The following GRIN2C variants were observed in gnomAD, a reference collection of about 807,000 sequenced individuals.
The protein encoded by GRIN2C is glutamate receptor ionotropic, NMDA 2C.
In GRIN2C, 64 loss-of-function variants were observed where a neutral mutation model predicts 77.7. The ratio of observed to expected loss-of-function variants is 0.82; its 90% CI spans 0.67 to 1.01. The LOEUF (loss-of-function observed/expected upper bound fraction) is 1.01, where lower values mean the gene tolerates loss of function less well. GRIN2C is among the 50% of genes least tolerant of loss of function. The pLI is 0.00. For synonymous variants in GRIN2C, 792 were observed against 643.4 expected (o/e 1.23, Z -3.49); for missense variants, 1,549 against 1,486.0 (o/e 1.04, Z -0.70).
intron 12 of GRIN2C, among the ~76,000 whole-genome samples, chr17:74,843,836 G>A (rs2037378217): frequency 6.6e-6 from 1 of 150,812 alleles, no homozygotes; most frequent in Non-Finnish European, 1.5e-5. Context: ...CTTCAACCCT[G>A]CCACCCTGGT....
chr17:74,846,069 C>G lies in GRIN2C; in HGVS notation c.2347G>C (p.Asp783His), dbSNP rs1352985755. 6.2e-7 allele frequency: 1 copy of G among 1,613,482 alleles called. No individual in the cohort carries two copies. The change falls in exon 11 of 13, where the codon GAC becomes CAC. Residue 783 changes from aspartate to histidine, a missense_variant. By Grantham distance (81) the Asp-to-His change is moderately conservative. Around this residue, in one of 3 missense-constraint regions of GRIN2C, gnomAD observed 717 missense variants for 858.1 expected, o/e 0.84. Coordinates refer to ENST00000293190, the MANE Select transcript of GRIN2C (RefSeq NM_000835.6). This position sits in a 1 kb window ranked among gnomAD's most constrained non-coding sequence, Gnocchi z 4.4. Reference protein sequence around the residue: ...IDLALLQFLGDGETQKLETVW... With the variant: ...IDLALLQFLGHGETQKLETVW... ...TCCCAGCAATGGCAGTACCCACCGTCCCCCAGGAACTGCAAGAGCGCCAGG... is the reference window on the plus strand; with the variant it reads ...TCCCAGCAATGGCAGTACCCACCGTGCCCCAGGAACTGCAAGAGCGCCAGG...
At position 74,852,370 on chromosome 17, in the gene GRIN2C, C is replaced by T. The variant is rs200047890; in HGVS notation, c.641G>A (p.Arg214His). ...GGGCGCGTCGAGCTGGCGCAGCAGG[C>T]GCTGCGTGCGCGCGCGCGGCCCTCC... Reference protein sequence around the residue: ...GPGGPRARTQRLLRQLDAPVF... With the variant: ...GPGGPRARTQHLLRQLDAPVF... The change falls in exon 3 of 13, where the codon CGC (arginine) becomes CAC (histidine). Residue 214 changes from arginine (R) to histidine (H), a missense_variant. Arg to His is a conservative substitution (Grantham distance 29). Transcript: ENST00000293190. 3.3e-4 allele frequency: 478 copies of T among 1,442,834 alleles called. 1 individual carries two copies. In the African/African-American group the frequency reaches 4.6e-3, roughly 14 times the overall value. The allele number at this position is 1,442,834 out of a possible 1,614,324, so 89.4% of individuals were successfully genotyped here.
At chr17:74,844,552 A>G (rs1252832603) in intron 11 of GRIN2C, 44 bp from the exon 12 acceptor site, 4 of 1,594,294 alleles carry the variant, frequency 2.5e-6, no homozygotes, top group Admixed American at 3.4e-5. Context: ...AAACCCCCCT[A>G]TAAGCAACCC....
At chr17:74,860,626 G>C, upstream of GRIN2C, 2 of 402,506 alleles carry the variant, frequency 5.0e-6, no homozygotes, top group Non-Finnish European at 1.0e-5. Flanking sequence ...CGGCTGGTGC[G>C]CAGCCAGGGC....
Position 74,852,216 on chromosome 17 carries a change from G to A in GRIN2C, c.795C>T (p.Pro265=). Residue 265 remains proline, a synonymous_variant, in exon 3 of 13, where the codon CCC becomes CCT. Transcript: ENST00000293190. ...PNLALGSTDA[P]PATFPVGLIS... ...TGAGGCCCACGGGGAAGGTGGCGGG[G>A]GGCGCATCGGTGCTGCCCAGCGCCA... 1.4e-6 allele frequency: 2 copies of A among 1,445,920 alleles called. No individual in the cohort carries two copies. The highest frequency in any genetic ancestry group is 2.6e-5 in the Admixed American group (1 of 38,966). 89.6% of individuals were successfully genotyped at this position (1,445,920 alleles called of 1,614,324 possible).
In GRIN2C at chr17:74,843,036, C is replaced by A; in HGVS notation, c.3101G>T (p.Arg1034Leu). Reference protein sequence around the residue: ...PARCHYSSFPRADRSGRPFLP... With the variant: ...PARCHYSSFPLADRSGRPFLP... ...GAAGGGGCGGCCGGATCGGTCGGCT[C>A]GAGGAAAGGAGCTGTAGTGACAGCG... Residue 1034 changes from arginine to leucine, a missense_variant, in exon 13 of 13, where the codon CGA (arginine) becomes CTA (leucine). Arg to Leu is a moderately radical substitution (Grantham distance 102). Transcript: ENST00000293190. 2 of 483,838 alleles carry A rather than the reference C, an allele frequency of 4.1e-6. No individual in the cohort carries two copies. Among genetic ancestry groups the A allele is most frequent in the East Asian group, 3.5e-5 (1 of 28,200 alleles). The allele number at this position is 483,838 out of a possible 1,614,324, so 30.0% of individuals were successfully genotyped here.
At chr17:74,858,308 G>A (rs1254642739) in intron 1 of GRIN2C, among the ~76,000 whole-genome samples, 2 of 139,884 alleles carry the variant, frequency 1.4e-5, no homozygotes, top group Non-Finnish European at 3.1e-5. Flanking sequence ...GGGGACACCA[G>A]AGACTCTCTC....
At position 74,846,033 on chromosome 17, in the gene GRIN2C, C is replaced by T. The variant is rs758089898; in HGVS notation, c.2350+33G>A. The stretch of plus-strand genomic sequence containing the variant: ...GCTGACAACCTTGGGCTCCACAGCC[C>T]ACCCTGGGCATCCCAGCAATGGCAG... On this transcript the variant is annotated intron_variant, in intron 11 of 12. Transcript: ENST00000293190. This position sits in a 1 kb window ranked among gnomAD's most constrained non-coding sequence, Gnocchi z 4.4. 14 of 1,600,124 alleles carry T rather than the reference C, an allele frequency of 8.7e-6. No homozygotes were observed. The highest frequency in any genetic ancestry group is 1.7e-4 in the Middle Eastern group (1 of 5,742).
intron 12 of GRIN2C, chr17:74,843,925 G>T: frequency 2.1e-6 from 1 of 473,586 alleles, no homozygotes; most frequent in Non-Finnish European, 3.7e-6. Context: ...CCAGGCTGGA[G>T]TGCAGTGGTG....
Position 74,852,327 on chromosome 17 carries a change from G to C in GRIN2C, c.684C>G (p.Cys228Trp). 6.9e-7 allele frequency: 1 copy of C among 1,456,556 alleles called. No homozygotes were observed. Among genetic ancestry groups the C allele is most frequent in the Non-Finnish European group, 9.0e-7 (1 of 1,111,554 alleles). The allele number at this position is 1,456,556 out of a possible 1,614,324, so 90.2% of individuals were successfully genotyped here. The change falls in exon 3 of 13, where the codon TGC becomes TGG. Residue 228 changes from cysteine to tryptophan, a missense_variant. Transcript: ENST00000293190. ...QLDAPVFVAY[C>W]SREEAEVLFA... ...AGAGCACCTCGGCCTCCTCGCGCGA[G>C]CAGTAGGCCACAAACACGGGCGCGT...
At chr17:74,855,750 C>T (rs895351204) in intron 1 of GRIN2C, among the ~76,000 whole-genome samples, 1 of 152,118 alleles carries the variant, frequency 6.6e-6, no homozygotes, top group Non-Finnish European at 1.5e-5. Flanking sequence ...ATCTGTCTCT[C>T]ACCAGGGCCT....
chr17:74,856,624 G>A (rs976426462), intron 1 of GRIN2C, among the ~76,000 whole-genome samples: 4 of 151,750 alleles, frequency 2.6e-5, no homozygotes, highest in East Asian at 1.9e-4. Flanking sequence ...GACTACAGGC[G>A]CCCACCACCA....
At chr17:74,853,073 C>G (rs1196202142) in intron 2 of GRIN2C, 1 of 153,916 alleles carries the variant, frequency 6.5e-6, no homozygotes, top group Non-Finnish European at 1.4e-5. Context: ...GGGTTGAGAG[C>G]CAATGTCCTG....
chr17:74,848,190 C>A (rs920349561), intron 7 of GRIN2C, among the ~76,000 whole-genome samples: 3 of 152,118 alleles, frequency 2.0e-5, no homozygotes, highest in African/African-American at 7.2e-5. Flanking sequence ...TCTCCCCCCG[C>A]CCCCCACTTC....
In GRIN2C at chr17:74,855,104, G is replaced by A; in HGVS notation, c.-12C>T. ...AGGGCCCCACCCATGTCCACCGGAG[G>A]GTCCTGCGGAGAGACCAGAACAAGC... is the stretch of plus-strand genomic sequence containing the variant. On this transcript the variant is annotated 5_prime_UTR_variant, in exon 2 of 13. Coordinates refer to ENST00000293190, the MANE Select transcript of GRIN2C (RefSeq NM_000835.6). 4 of 1,563,638 alleles carry A rather than the reference G, an allele frequency of 2.6e-6. No homozygotes were observed. Among genetic ancestry groups the A allele is most frequent in the Non-Finnish European group, 3.4e-6 (4 of 1,161,158 alleles).
In GRIN2C at chr17:74,852,138, G is replaced by T; in HGVS notation, c.873C>A (p.Asp291Glu). ...CGCCCAGGGCCAGAATGGCCACGCCGTCGCGCACCTTCTGGCGCAGGCTGA... is the reference window on the plus strand; with the variant it reads ...CGCCCAGGGCCAGAATGGCCACGCCTTCGCGCACCTTCTGGCGCAGGCTGA... ...WRLSLRQKVRDGVAILALGAH... is the reference protein window; with the variant it reads ...WRLSLRQKVREGVAILALGAH... The change falls in exon 3 of 13, where the codon GAC becomes GAA. Residue 291 changes from aspartate to glutamate, a missense_variant. Asp to Glu is a conservative substitution (Grantham distance 45). Coordinates refer to ENST00000293190, the MANE Select transcript of GRIN2C (RefSeq NM_000835.6). 6.9e-7 allele frequency: 1 copy of T among 1,457,144 alleles called. No individual in the cohort carries two copies. The highest frequency in any genetic ancestry group is 9.0e-7 in the Non-Finnish European group (1 of 1,105,712). The allele number at this position is 1,457,144 out of a possible 1,614,324, so 90.3% of individuals were successfully genotyped here. A position where few individuals can be genotyped will look rare whatever the true frequency, so the allele number is the denominator to read the frequency against.
rs2037905550 is a variant in GRIN2C at position 74,859,661 on chromosome 17, G to C, written c.-16+83C>G. The C allele has an allele frequency of 1.3e-5, 2 of 152,188 alleles. No homozygotes were observed. Among genetic ancestry groups the C allele is most frequent in the South Asian group, 4.2e-4 (2 of 4,818 alleles). 9.4% of individuals were successfully genotyped at this position (152,188 alleles called of 1,614,324 possible). ...GGAGTTCTTGCTCCTCCAAGGCTAC[G>C]GCCCCCGTCTCCGCGGACCCCGCCC... On this transcript the variant is annotated intron_variant, in intron 1 of 12. Coordinates refer to ENST00000293190, the MANE Select transcript of GRIN2C (RefSeq NM_000835.6). This position sits in a 1 kb window ranked among gnomAD's most constrained non-coding sequence, Gnocchi z 5.9.
At chr17:74,848,775 G>T (rs1356540473) in intron 7 of GRIN2C, among the ~76,000 whole-genome samples, 3 of 152,130 alleles carry the variant, frequency 2.0e-5, no homozygotes, top group African/African-American at 7.2e-5. Flanking sequence ...CAGCATTTTG[G>T]GCGGCTGAGG....
upstream of GRIN2C, chr17:74,859,916 C>T: frequency 6.1e-6 from 1 of 164,184 alleles, no homozygotes; most frequent in Non-Finnish European, 1.3e-5. The surrounding 1 kb of genome is among the most constrained non-coding windows in gnomAD (Gnocchi z 5.9). Context: ...CGGCTCCGGG[C>T]GGGGACCCGC....
Sources: allele counts gnomAD v4.1 joint callset (sites outside exome capture counted in the v4.1 genomes callset), GRCh38; gene constraint gnomAD v4.1.1; regional missense constraint gnomAD v4.1.1; non-coding constraint Gnocchi (gnomAD v3.1); transcripts MANE v1.5; gene names NCBI Gene and HGNC (gene_info 2026-07-23, HGNC 2026-07-21).